The following OLA1 variants were observed in gnomAD, a reference collection of about 807,000 sequenced individuals.
The protein encoded by OLA1 is Obg like ATPase 1.
In OLA1, 14 loss-of-function variants were observed where a neutral mutation model predicts 48.4. The observed-to-expected ratio is 0.29, with a 90% CI of 0.19 to 0.45. The LOEUF is 0.45. Among genes scored for constraint, OLA1 ranks in the 20% least tolerant of loss-of-function variants. OLA1 has a pLI of 1.00. For missense variants in OLA1, 325 were observed against 467.1 expected (o/e 0.70, Z 2.80); for synonymous variants, 127 against 150.4 (o/e 0.84, Z 1.14).
In OLA1 at chr2:174,072,646, C is replaced by T. The variant is rs1298047447; in HGVS notation, c.*2780G>A. The T allele has an allele frequency of 1.3e-5, 2 of 152,182 alleles. No individual in the cohort carries two copies. Among genetic ancestry groups the T allele is most frequent in the Admixed American group, 6.5e-5 (1 of 15,284 alleles). The allele number at this position is 152,182 out of a possible 1,614,324, so 9.4% of individuals were successfully genotyped here. A position where few individuals can be genotyped will look rare whatever the true frequency, so the allele number is the denominator to read the frequency against. On this transcript the variant is annotated 3_prime_UTR_variant, in exon 11 of 11. Coordinates refer to ENST00000284719, the MANE Select transcript of OLA1 (RefSeq NM_013341.5). ...AAGAGGCAGGAGGAGGAGATACCGTCTCTGACTCTCTGAATGAAAGGAGAC... is the reference window on the plus strand; with the variant it reads ...AAGAGGCAGGAGGAGGAGATACCGTTTCTGACTCTCTGAATGAAAGGAGAC...
At chr2:174,077,641 T>C (rs1403300608) in intron 10 of OLA1, among the ~76,000 whole-genome samples, 1 of 152,036 alleles carries the variant, frequency 6.6e-6, no homozygotes, top group African/African-American at 2.4e-5. Context: ...TTTTATTGGA[T>C]ATTATAAAGT....
chr2:174,163,757 TATATATATATATA>T (rs1558984613), intron 4 of OLA1, among the ~76,000 whole-genome samples: 459 of 40,228 alleles, frequency 0.011, 49 homozygotes, highest in Non-Finnish European at 0.017. Flanking sequence ...TATATATATA[TATATATATATATA>T]TATATAAATA....
At chr2:174,093,553 C>T (rs368143846) in intron 7 of OLA1, among the ~76,000 whole-genome samples, 4 of 152,138 alleles carry the variant, frequency 2.6e-5, no homozygotes, top group African/African-American at 9.6e-5. Flanking sequence ...TTTACGATCT[C>T]TAGAAGCAAG....
intron 2 of OLA1, among the ~76,000 whole-genome samples, chr2:174,238,846 T>C (rs961671664): frequency 1.3e-5 from 2 of 152,108 alleles, no homozygotes; most frequent in African/African-American, 4.8e-5. Context: ...AAAGATACTG[T>C]GGTGTCAGAA....
intron 10 of OLA1, among the ~76,000 whole-genome samples, chr2:174,075,879 A>C (rs1304583455): frequency 2.0e-5 from 3 of 152,238 alleles, no homozygotes; most frequent in Admixed American, 6.5e-5. Context: ...AAAACAGATC[A>C]AACCAGGCAG....
chr2:174,104,928 A>G (rs970353243), intron 7 of OLA1, among the ~76,000 whole-genome samples: 8 of 151,978 alleles, frequency 5.3e-5, no homozygotes, highest in African/African-American at 1.9e-4. Flanking sequence ...GCAGTTCTCA[A>G]TCGAGACCTT....
intron 4 of OLA1, among the ~76,000 whole-genome samples, chr2:174,175,518 T>C (rs1319442950): frequency 6.6e-6 from 1 of 151,828 alleles, no homozygotes; most frequent in African/African-American, 2.4e-5. Context: ...AAAATAGAAA[T>C]GAAAGCCACA....
At chr2:174,225,049 T>C (rs1688585042) in intron 3 of OLA1, among the ~76,000 whole-genome samples, 1 of 152,106 alleles carries the variant, frequency 6.6e-6, no homozygotes, top group African/African-American at 2.4e-5. Flanking sequence ...ATGGTGGAGG[T>C]GGGGCCTGGT....
intron 4 of OLA1, among the ~76,000 whole-genome samples, chr2:174,205,842 G>A (rs927871430): frequency 1.3e-5 from 2 of 152,110 alleles, no homozygotes; most frequent in South Asian, 2.1e-4. Flanking sequence ...CCCTGACATC[G>A]CCAATGTAGA....
chr2:174,175,211 G>A (rs1246242605), intron 4 of OLA1, among the ~76,000 whole-genome samples: 5 of 149,906 alleles, frequency 3.3e-5, no homozygotes, highest in Admixed American at 6.7e-5. Context: ...TTTCTGAACC[G>A]GACACAAAAA....
At chr2:174,190,155 A>C (rs977176459) in intron 4 of OLA1, among the ~76,000 whole-genome samples, 1 of 152,190 alleles carries the variant, frequency 6.6e-6, no homozygotes, top group Non-Finnish European at 1.5e-5. Flanking sequence ...CAGAAAAATA[A>C]ATAAGGAACT....
chr2:174,101,566 A>C (rs550019965), intron 7 of OLA1, among the ~76,000 whole-genome samples: 2 of 152,276 alleles, frequency 1.3e-5, no homozygotes, highest in South Asian at 4.1e-4. Context: ...TATCCAAGAG[A>C]TCTTTGCCTA....
intron 4 of OLA1, among the ~76,000 whole-genome samples, chr2:174,199,992 G>GA (rs1176639463): frequency 2.6e-5 from 4 of 151,486 alleles, no homozygotes; most frequent in African/African-American, 9.7e-5. Context: ...GGACATTAAA[G>GA]AAATTTATTT....
chr2:174,144,082 C>T (rs374635972), intron 4 of OLA1, among the ~76,000 whole-genome samples: 2 of 152,136 alleles, frequency 1.3e-5, no homozygotes, highest in East Asian at 3.9e-4. Context: ...GCCTGGGCAA[C>T]AGAGCAAGAC....
chr2:174,106,694 C>T (rs1364168014), intron 7 of OLA1, among the ~76,000 whole-genome samples: 2 of 152,104 alleles, frequency 1.3e-5, no homozygotes, highest in African/African-American at 4.8e-5. Context: ...AATAATAATG[C>T]TGCATTGTGG....
intron 4 of OLA1, among the ~76,000 whole-genome samples, chr2:174,180,578 A>G (rs1687510219): frequency 6.6e-6 from 1 of 152,234 alleles, no homozygotes; most frequent in Admixed American, 6.5e-5. Flanking sequence ...ATAATGGCTA[A>G]AACCTTTTTT....
At chr2:174,136,838 ATTT>A (rs56267825) in intron 5 of OLA1, among the ~76,000 whole-genome samples, 1 of 148,796 alleles carries the variant, frequency 6.7e-6, no homozygotes, top group South Asian at 2.1e-4. Context: ...CGCCTGGTTA[ATTT>A]TTTTTTTGTA....
intron 4 of OLA1, among the ~76,000 whole-genome samples, chr2:174,211,203 A>T (rs62174169): frequency 2.4e-5 from 3 of 126,390 alleles, no homozygotes; most frequent in Admixed American, 8.1e-5. Flanking sequence ...ACACACACAC[A>T]CACTCTCTCT....
intron 4 of OLA1, among the ~76,000 whole-genome samples, chr2:174,187,952 T>C (rs75632518): frequency 0.011 from 1,605 of 152,292 alleles, 32 homozygotes; most frequent in African/African-American, 0.036. Flanking sequence ...GAAAAAATGA[T>C]GCCTGACCTC....
Sources: allele counts gnomAD v4.1 joint callset (sites outside exome capture counted in the v4.1 genomes callset), GRCh38; gene constraint gnomAD v4.1.1; transcripts MANE v1.5; gene names NCBI Gene and HGNC (gene_info 2026-07-23, HGNC 2026-07-21).